Variants in ASTN2 observed in about 807,000 individuals in gnomAD.
ASTN2 encodes astrotactin 2.
ASTN2 carries 54 observed loss-of-function variants against 139.8 expected under a neutral mutation model. That is an observed-to-expected ratio of 0.39 (90% CI 0.31 to 0.48). The LOEUF (loss-of-function observed/expected upper bound fraction) is 0.48, where lower values mean the gene tolerates loss of function less well. Ranked by LOEUF, ASTN2 falls within the 20% of genes least tolerant of loss-of-function variation. The probability of loss-of-function intolerance (pLI) is 0.95; values close to 1 mark genes in which losing one functional copy is unlikely to be tolerated. For missense variants in ASTN2, 1,565 were observed against 1,725.1 expected, an observed-to-expected ratio of 0.91 and a Z score of 1.64; for synonymous variants, 756 against 719.5, an observed-to-expected ratio of 1.05 and a Z score of -0.81.
In ASTN2 at chr9:116,487,372, C is replaced by A. The variant is rs1237046717; in HGVS notation, c.3484G>T (p.Asp1162Tyr). The A allele has an allele frequency of 6.2e-7, 1 of 1,613,956 alleles. No homozygotes were observed. The highest frequency in any genetic ancestry group is 8.5e-7 in the Non-Finnish European group (1 of 1,179,898). ...AACACATCTTACTTGTAGAGACCGT[C>A]GGGCTCCAGACACTTGAAGATGACT... ...YSVIFKCLEP[D>Y]GLYKFTLYAV... Residue 1162 changes from aspartate (D) to tyrosine (Y), a missense_variant, in exon 20 of 23, where the codon GAC becomes TAC. This residue lies in a region of ASTN2 where 418 missense variants were observed against 465.8 expected (regional missense o/e 0.90). Transcript: ENST00000313400.
chr9:117,394,982 A>G (rs549340856), intron 1 of ASTN2, among the ~76,000 whole-genome samples: 1 of 152,290 alleles, frequency 6.6e-6, no homozygotes, highest in African/African-American at 2.4e-5. Context: ...AGGGTGGTGG[A>G]AACGAGGAAA....
intron 20 of ASTN2, among the ~76,000 whole-genome samples, chr9:116,447,703 T>C (rs1219688886): frequency 1.3e-5 from 2 of 152,170 alleles, no homozygotes; most frequent in Non-Finnish European, 2.9e-5. Flanking sequence ...AGGGTTCTTG[T>C]TAGAATAAAA....
chr9:116,865,032 C>T (rs563870149), intron 10 of ASTN2, among the ~76,000 whole-genome samples: 1 of 152,290 alleles, frequency 6.6e-6, no homozygotes, highest in Non-Finnish European at 1.5e-5. Flanking sequence ...TGTCCAGCCA[C>T]ATTTACCCTC....
chr9:116,668,942 T>C (rs934302050), intron 16 of ASTN2, among the ~76,000 whole-genome samples: 4 of 152,148 alleles, frequency 2.6e-5, no homozygotes, highest in African/African-American at 9.7e-5. Flanking sequence ...GATTGAGGAC[T>C]ACCTAAAACA....
At chr9:117,288,389 T>C (rs921746972) in intron 2 of ASTN2, among the ~76,000 whole-genome samples, 3 of 152,180 alleles carry the variant, frequency 2.0e-5, no homozygotes, top group Admixed American at 2.0e-4. Flanking sequence ...CAAAAGGGGA[T>C]GGAGTGCATA....
chr9:117,262,405 A>ATT (rs1431686808), intron 2 of ASTN2, among the ~76,000 whole-genome samples: 2 of 69,882 alleles, frequency 2.9e-5, no homozygotes, highest in Admixed American at 4.7e-4. Flanking sequence ...TTTTTTATTT[A>ATT]TTTATTTATT....
chr9:117,319,113 A>C (rs1276862155), intron 1 of ASTN2, among the ~76,000 whole-genome samples: 2 of 152,198 alleles, frequency 1.3e-5, no homozygotes, highest in Non-Finnish European at 2.9e-5. Flanking sequence ...GTAATCATTA[A>C]AGGCTGTGCT....
chr9:117,139,284 T>A (rs1318165926), intron 4 of ASTN2, among the ~76,000 whole-genome samples: 1 of 152,234 alleles, frequency 6.6e-6, no homozygotes, highest in Non-Finnish European at 1.5e-5. Flanking sequence ...TTCAGCCTTT[T>A]ATCAGGTCTT....
At chr9:116,727,637 C>T (rs370139895) in intron 15 of ASTN2, among the ~76,000 whole-genome samples, 4 of 152,004 alleles carry the variant, frequency 2.6e-5, no homozygotes, top group African/African-American at 4.8e-5. Context: ...GTGTTAATAA[C>T]GAGATGGTTT....
At chr9:117,003,953 C>CGCGCGCGCGCGCGTGTGTGT (rs1218309835) in intron 7 of ASTN2, among the ~76,000 whole-genome samples, 10 of 146,224 alleles carry the variant, frequency 6.8e-5, no homozygotes, top group African/African-American at 2.1e-4. Flanking sequence ...CGCGCGCGCG[C>CGCGCGCGCGCGCGTGTGTGT]GTGTGTGTGT....
chr9:116,447,116 C>T (rs534412260), intron 20 of ASTN2, among the ~76,000 whole-genome samples: 73 of 152,292 alleles, frequency 4.8e-4, no homozygotes, highest in African/African-American at 1.7e-3. Context: ...GGTTCCAGAA[C>T]ATGGATCCCA....
intron 4 of ASTN2, among the ~76,000 whole-genome samples, chr9:117,112,961 T>C (rs1253159994): frequency 6.6e-6 from 1 of 152,132 alleles, no homozygotes; most frequent in Non-Finnish European, 1.5e-5. Flanking sequence ...TAAAAATATA[T>C]GAATGCTGAT....
chr9:116,850,677 A>AC (rs779654763), intron 11 of ASTN2, among the ~76,000 whole-genome samples: 3 of 151,792 alleles, frequency 2.0e-5, no homozygotes, highest in Non-Finnish European at 4.4e-5. Context: ...TTTCTACCCC[A>AC]CCCCCTGCCT....
At chr9:116,708,888 C>T (rs185169192) in intron 16 of ASTN2, among the ~76,000 whole-genome samples, 1 of 152,214 alleles carries the variant, frequency 6.6e-6, no homozygotes. Context: ...CAATTAGTGA[C>T]CCCTGAGAGT....
intron 19 of ASTN2, among the ~76,000 whole-genome samples, chr9:116,528,743 G>A (rs1851200882): frequency 6.6e-6 from 1 of 152,172 alleles, no homozygotes. Flanking sequence ...TTGGGACATG[G>A]CACCCTGCAT....
chr9:117,391,781 T>C (rs1300739857), intron 1 of ASTN2, among the ~76,000 whole-genome samples: 1 of 152,108 alleles, frequency 6.6e-6, no homozygotes, highest in Admixed American at 6.5e-5. Context: ...GCAAGTCCCT[T>C]CCACCTTTGA....
intron 11 of ASTN2, among the ~76,000 whole-genome samples, chr9:116,832,086 CATT>C (rs1025195979): frequency 5.9e-4 from 90 of 152,208 alleles, no homozygotes; most frequent in African/African-American, 2.1e-3. Context: ...CTGAATATTT[CATT>C]ATTTTTCAGA....
At chr9:116,814,458 A>C (rs572183318) in intron 12 of ASTN2, among the ~76,000 whole-genome samples, 1 of 152,210 alleles carries the variant, frequency 6.6e-6, no homozygotes, top group Admixed American at 6.5e-5. Flanking sequence ...TCCATGGGAA[A>C]CTCTGGATTA....
At chr9:116,755,979 C>G (rs1304604166) in intron 13 of ASTN2, among the ~76,000 whole-genome samples, 4 of 152,182 alleles carry the variant, frequency 2.6e-5, no homozygotes, top group Non-Finnish European at 5.9e-5. Flanking sequence ...GATGGTGACC[C>G]TACAAGACTC....
Sources: allele counts gnomAD v4.1 joint callset (sites outside exome capture counted in the v4.1 genomes callset), GRCh38; gene constraint gnomAD v4.1.1; regional missense constraint gnomAD v4.1.1; transcripts MANE v1.5; gene names NCBI Gene and HGNC (gene_info 2026-07-23, HGNC 2026-07-21).